The following LINS1 variants were observed in gnomAD, a reference collection of about 807,000 sequenced individuals.
LINS1 encodes lines homolog 1, also known as protein Lines homolog 1.
Under a neutral mutation model 41.6 loss-of-function variants are expected in LINS1, and 27 were observed. That is an observed-to-expected ratio of 0.65 (90% confidence interval 0.48 to 0.89). The LOEUF is 0.89. Among genes scored for constraint, LINS1 ranks in the 40% least tolerant of loss-of-function variants. LINS1 has a pLI of 0.00. For synonymous variants in LINS1, 336 were observed against 312.9 expected, an observed-to-expected ratio of 1.07 and a Z score of -0.78; for missense variants, 955 against 884.1, an observed-to-expected ratio of 1.08 and a Z score of -1.02.
chr15:100,587,157 T>TAAA (rs56781451), intron 1 of LINS1, among the ~76,000 whole-genome samples: 3,817 of 68,172 alleles, frequency 0.056, 145 homozygotes, highest in East Asian at 0.08. Flanking sequence ...GACTCTGTCT[T>TAAA]AAAAAAAAAA....
intron 5 of LINS1, 93 bp downstream of exon 5, chr15:100,573,558 G>T: frequency 1.1e-6 from 1 of 877,718 alleles, no homozygotes; most frequent in Non-Finnish European, 1.8e-6. Flanking sequence ...TAAATTACTG[G>T]AATTTAAACT....
Position 100,575,144 on chromosome 15 carries a change from T to A in LINS1, c.490-16A>T. 1.2e-6 allele frequency: 2 copies of A among 1,604,716 alleles called. No homozygotes were observed. The highest frequency in any genetic ancestry group is 1.7e-6 in the Non-Finnish European group (2 of 1,175,322). ...TTAAGGTTATCTACAAGTGAGAAAA[T>A]AAAGCAAGCAGTTAAAATACAATAT... On this transcript the variant is annotated splice_polypyrimidine_tract_variant and intron_variant, in intron 3 of 6. Coordinates refer to ENST00000314742, the MANE Select transcript of LINS1 (RefSeq NM_001040616.3).
chr15:100,592,627 A>C (rs2039087010), intron 1 of LINS1, among the ~76,000 whole-genome samples: 1 of 152,192 alleles, frequency 6.6e-6, no homozygotes, highest in Admixed American at 6.5e-5. Flanking sequence ...TAGTGCTCTG[A>C]AGCTGTCTTG....
chr15:100,576,684 A>T (rs1195139794), intron 3 of LINS1: 1 of 152,308 alleles, frequency 6.6e-6, no homozygotes, highest in Non-Finnish European at 1.5e-5. Context: ...TGAGGACAGC[A>T]TCATCCTGAT....
In LINS1 at chr15:100,586,668, T is replaced by C. The variant is rs966513944; in HGVS notation, c.-103-5723A>G. 2.6e-5 allele frequency among the ~76,000 whole-genome samples: 4 copies of C among 152,210 alleles called. No individual in the cohort carries two copies. The South Asian group carries it at 8.3e-4, about 31-fold the overall frequency. ...ATAATTTTGTCTAATTCAGAAGTTA[T>C]CTAAAAGTTAGTTCAGATACAGATT... is the stretch of plus-strand genomic sequence containing the variant. On this transcript the variant is annotated intron_variant, in intron 1 of 6. Coordinates refer to ENST00000314742, the MANE Select transcript of LINS1 (RefSeq NM_001040616.3).
chr15:100,592,696 T>C (rs1567099614), intron 1 of LINS1, among the ~76,000 whole-genome samples: 1 of 152,194 alleles, frequency 6.6e-6, no homozygotes, highest in Non-Finnish European at 1.5e-5. Context: ...AAGATCAACT[T>C]ATTGTTCTAG....
chr15:100,580,405 T>C, intron 2 of LINS1, 39 bp downstream of exon 2: 1 of 1,607,786 alleles, frequency 6.2e-7, no homozygotes, highest in South Asian at 1.1e-5. Context: ...CTTAAAATTA[T>C]TTTAAATATC....
intron 3 of LINS1, among the ~76,000 whole-genome samples, chr15:100,577,094 G>A (rs1239847821): frequency 6.6e-6 from 1 of 152,202 alleles, no homozygotes; most frequent in African/African-American, 2.4e-5. Flanking sequence ...AAAACTGGAA[G>A]CATTCCCTTT....
chr15:100,584,841 T>TG (rs2038729087), intron 1 of LINS1, among the ~76,000 whole-genome samples: 1 of 152,368 alleles, frequency 6.6e-6, no homozygotes, highest in Admixed American at 6.5e-5. Flanking sequence ...CCTGTGCTTC[T>TG]GATCAACTGG....
intron 5 of LINS1, 82 bp from the exon 6 acceptor site, chr15:100,572,147 C>G: frequency 6.4e-7 from 1 of 1,567,532 alleles, no homozygotes; most frequent in Non-Finnish European, 8.6e-7. Context: ...TTCATAGTGT[C>G]TAAAGTACCT....
At chr15:100,598,656 T>C (rs1197447988) in intron 1 of LINS1, among the ~76,000 whole-genome samples, 4 of 152,274 alleles carry the variant, frequency 2.6e-5, no homozygotes, top group Non-Finnish European at 4.4e-5. Flanking sequence ...GCGTTCTTTT[T>C]GCTGTGATGA....
rs775208460 is a variant in LINS1 at position 100,602,162 on chromosome 15, G to C, written c.-145C>G. The C allele has an allele frequency of 3.3e-5, 5 of 152,276 alleles. No homozygotes were observed. The highest frequency in any genetic ancestry group is 9.6e-5 in the African/African-American group (4 of 41,470). The allele number at this position is 152,276 out of a possible 1,614,324, so 9.4% of individuals were successfully genotyped here. ...GCGAACTCTCTTCACACCGCCATTT[G>C]AGGGAACACAAATGCCCGCTCTGGG... On this transcript the variant is annotated 5_prime_UTR_variant, in exon 1 of 7. Coordinates refer to ENST00000314742, the MANE Select transcript of LINS1 (RefSeq NM_001040616.3).
intron 1 of LINS1, among the ~76,000 whole-genome samples, chr15:100,591,657 C>G (rs1429810720): frequency 6.6e-6 from 1 of 152,168 alleles, no homozygotes; most frequent in African/African-American, 2.4e-5. Flanking sequence ...TAGGTATCCA[C>G]TCCCTGAAGT....
intron 1 of LINS1, among the ~76,000 whole-genome samples, chr15:100,599,086 A>T (rs1215250202): frequency 6.6e-6 from 1 of 152,184 alleles, no homozygotes. Flanking sequence ...TCAAGAAATA[A>T]ACTCAATTCT....
Position 100,569,463 on chromosome 15 carries a change from A to T in LINS1, c.2049T>A (p.Val683=). The T allele has an allele frequency of 6.2e-7, 1 of 1,614,166 alleles. No homozygotes were observed. Among genetic ancestry groups the T allele is most frequent in the Non-Finnish European group, 8.5e-7 (1 of 1,180,016 alleles). Residue 683 remains valine, a synonymous_variant, in exon 7 of 7, where the codon GTT becomes GTA. Transcript: ENST00000314742. ...FSLEPPSRPL[V]LKEFDTAFSF... is the part of the protein sequence containing the mutation. ...AGAAGGCAGTATCAAATTCTTTCAGAACCAGAGGCCTTGATGGAGGCTCAA... is the reference window on the plus strand; with the variant it reads ...AGAAGGCAGTATCAAATTCTTTCAGTACCAGAGGCCTTGATGGAGGCTCAA...
rs2037737438 is a variant in LINS1 at position 100,570,068 on chromosome 15, G to T, written c.1444C>A (p.His482Asn). Residue 482 changes from histidine (H) to asparagine (N), a missense_variant, in exon 7 of 7, where the codon CAT becomes AAT. Physicochemically the swap from His to Asn is moderately conservative, Grantham distance 68. Transcript: ENST00000314742. The stretch of plus-strand genomic sequence containing the variant: ...TTATAGCCATTTTCATGTGTGTGAT[G>T]GTCCCACATTTCTTTTCCCTGAGTC... ...SLTQGKEMWD[H>N]HTHENGYNPH... is the part of the protein sequence containing the mutation. 2 of 1,577,078 alleles carry T rather than the reference G, an allele frequency of 1.3e-6. No individual in the cohort carries two copies. Among genetic ancestry groups the T allele is most frequent in the East Asian group, 2.2e-5 (1 of 44,762 alleles).
At chr15:100,599,843 A>G (rs2039402683) in intron 1 of LINS1, among the ~76,000 whole-genome samples, 1 of 152,200 alleles carries the variant, frequency 6.6e-6, no homozygotes, top group Non-Finnish European at 1.5e-5. Flanking sequence ...AGGCGGGTGG[A>G]TCACCTGAGG....
chr15:100,584,805 C>T (rs1232065854), intron 1 of LINS1, among the ~76,000 whole-genome samples: 1 of 152,188 alleles, frequency 6.6e-6, no homozygotes, highest in Non-Finnish European at 1.5e-5. Flanking sequence ...AATTCAAATG[C>T]CAACTGCAAG....
intron 1 of LINS1, among the ~76,000 whole-genome samples, chr15:100,598,135 T>C (rs2039328049): frequency 6.6e-6 from 1 of 152,218 alleles, no homozygotes; most frequent in Non-Finnish European, 1.5e-5. Flanking sequence ...GTGCCCTGTC[T>C]TACAGAATGT....
Sources: gnomAD v4.1 joint callset for allele counts (sites outside exome capture counted in the v4.1 genomes callset) on GRCh38, gnomAD v4.1.1 for gene constraint, MANE v1.5 for transcripts, NCBI Gene and HGNC (gene_info 2026-07-23, HGNC 2026-07-21) for gene names.